The following LIG1 variants were observed in gnomAD, a reference collection of about 807,000 sequenced individuals.
LIG1 encodes the protein DNA ligase 1, also known as ligase I, DNA, ATP-dependent.
A neutral mutation model predicts 115.7 loss-of-function variants in LIG1; 70 were observed. That is an observed-to-expected ratio of 0.60 (90% CI 0.50 to 0.74). LIG1 has a LOEUF of 0.74. Among genes scored for constraint, LIG1 ranks in the 30% least tolerant of loss-of-function variants. The probability of loss-of-function intolerance (pLI) is 0.00; values close to 1 mark genes in which losing one functional copy is unlikely to be tolerated. For synonymous variants in LIG1, 487 were observed against 495.3 expected (o/e 0.98, Z 0.22); for missense variants, 1,115 against 1,225.6 (o/e 0.91, Z 1.35).
In LIG1 at chr19:48,149,264, T is replaced by C. The variant is rs3730916; in HGVS notation, c.776+499A>G. ...GTGAGCTGAGACAGCACCACTGCAC[T>C]GCAGGCTAGGCGACAGAGCAAGACT... is the stretch of plus-strand genomic sequence containing the variant. On this transcript the variant is annotated intron_variant, in intron 9 of 27. Coordinates refer to ENST00000263274, the MANE Select transcript of LIG1 (RefSeq NM_000234.3). 1.6e-4 allele frequency among the ~76,000 whole-genome samples: 24 copies of C among 152,288 alleles called. 1 individual carries two copies. In the South Asian group the frequency reaches 2.9e-3, roughly 18 times the overall value.
chr19:48,166,051 TCAAA>T (rs2036463930), intron 1 of LIG1, among the ~76,000 whole-genome samples: 1 of 152,222 alleles, frequency 6.6e-6, no homozygotes. Context: ...TGCTGTTATT[TCAAA>T]CAAAGGGCAG....
chr19:48,133,179 G>A (rs985743433), intron 17 of LIG1, 82 bp from the exon 18 acceptor site: 207 of 905,400 alleles, frequency 2.3e-4, no homozygotes, highest in Admixed American at 1.4e-4. Context: ...CTGCTAATGG[G>A]CCCCAGGACC....
chr19:48,131,446 A>T (rs1305968417), intron 18 of LIG1, among the ~76,000 whole-genome samples: 1 of 152,044 alleles, frequency 6.6e-6, no homozygotes, highest in Non-Finnish European at 1.5e-5. Context: ...GATTTGTTTA[A>T]ATGTCATTAT....
At chr19:48,120,509 T>C (rs2033187211) in intron 24 of LIG1, 1 of 985,140 alleles carries the variant, frequency 1.0e-6, no homozygotes, top group Non-Finnish European at 1.2e-6. Flanking sequence ...GAGAGGGGAA[T>C]ATAGGAAATA....
chr19:48,165,451 G>C (rs954771390), intron 2 of LIG1, 99 bp downstream of exon 2: 2 of 988,442 alleles, frequency 2.0e-6, no homozygotes, highest in Non-Finnish European at 3.3e-6. Context: ...TCTAACGTAA[G>C]AGTTTTTGTT....
rs1267989854 is a variant in LIG1 at position 48,137,013 on chromosome 19, G to A, written c.1326C>T (p.Ile442=). The A allele has an allele frequency of 3.7e-6, 6 of 1,611,848 alleles. No homozygotes were observed. The highest frequency in any genetic ancestry group is 1.7e-6 in the Non-Finnish European group (2 of 1,179,082). ...TCACAGGCCCACACGCTTACCTAGCGATGAACCGGGCTTCTGAGTGGCGGC... is the reference window on the plus strand; with the variant it reads ...TCACAGGCCCACACGCTTACCTAGCAATGAACCGGGCTTCTGAGTGGCGGC... ...VACRHSEARF[I]ARSLSGRLRL... is the part of the protein sequence containing the mutation. Residue 442 remains isoleucine, a synonymous_variant, in exon 14 of 28, where the codon ATC becomes ATT. Transcript: ENST00000263274. This position sits in a 1 kb window ranked among gnomAD's most constrained non-coding sequence, Gnocchi z 4.3.
Position 48,162,923 on chromosome 19 carries a change from C to CTT in LIG1, c.18-574_18-573dup, listed in dbSNP as rs11444392. The stretch of plus-strand genomic sequence containing the variant: ...AATATTAACTATGCACTTTTTAAAT[C>CTT]TTTTTTTTTTAGACAGACTCTCGCT... On this transcript the variant is annotated intron_variant, in intron 2 of 27. Transcript: ENST00000263274. Among the ~76,000 whole-genome samples, 37 of 149,120 alleles carry CTT rather than the reference C, an allele frequency of 2.5e-4. No individual in the cohort carries two copies. In the East Asian group the frequency reaches 3.6e-3, roughly 14 times the overall value.
chr19:48,155,104 G>A (rs1424847233), intron 5 of LIG1, among the ~76,000 whole-genome samples: 1 of 152,072 alleles, frequency 6.6e-6, no homozygotes, highest in African/African-American at 2.4e-5. Flanking sequence ...GCCAACCTCA[G>A]CGTCCACCTG....
intron 16 of LIG1, among the ~76,000 whole-genome samples, 167 bp downstream of exon 16, chr19:48,135,513 A>G (rs569279251): frequency 6.6e-6 from 1 of 152,144 alleles, no homozygotes; most frequent in African/African-American, 2.4e-5. Flanking sequence ...TGTGTCAAGC[A>G]CCAGCCTTGT....
rs752231884 is a variant in LIG1 at position 48,134,048 on chromosome 19, G to A, written c.1542C>T (p.Asp514=). 1.1e-5 allele frequency: 17 copies of A among 1,556,688 alleles called. No individual in the cohort carries two copies. In the African/African-American group the frequency reaches 2.2e-4, roughly 20 times the overall value. Residue 514 remains aspartate, a synonymous_variant, in exon 17 of 28, where the codon GAC becomes GAT. Transcript: ENST00000263274. ...GCTCCAGCAGCACGGGGATAATTCG[G>A]TCCAGGTCGGGAACCTCGCTGGGGT... is the stretch of plus-strand genomic sequence containing the variant. The part of the protein sequence containing the change: ...KQTFCEVPDL[D]RIIPVLLEHG...
chr19:48,160,321 C>T (rs917491307), intron 4 of LIG1, among the ~76,000 whole-genome samples: 1 of 152,066 alleles, frequency 6.6e-6, no homozygotes, highest in South Asian at 2.1e-4. Context: ...CTGAGCCAGG[C>T]GTGTATCTGG....
At chr19:48,127,483 C>G (rs1401989168) in intron 20 of LIG1, 135 bp from the exon 21 acceptor site, 1 of 787,920 alleles carries the variant, frequency 1.3e-6, no homozygotes, top group Non-Finnish European at 2.2e-6. Context: ...GGCGGCCATG[C>G]TGCTGGCTCC....
At chr19:48,166,061 G>A (rs945949330) in intron 1 of LIG1, among the ~76,000 whole-genome samples, 4 of 152,150 alleles carry the variant, frequency 2.6e-5, no homozygotes. Context: ...TCAAACAAAG[G>A]GCAGAATATC....
chr19:48,156,974 A>G, intron 5 of LIG1, 40 bp downstream of exon 5: 2 of 1,447,200 alleles, frequency 1.4e-6, no homozygotes, highest in Non-Finnish European at 1.8e-6. Context: ...AGAAAAAGAA[A>G]GGCAGGCGAC....
rs373630425 is a variant in LIG1, at chr19:48,170,342, T to A, written c.-159A>T. The A allele has an allele frequency of 1.1e-4, 48 of 437,040 alleles. No homozygotes were observed. The East Asian group carries it at 3.3e-3, about 30-fold the overall frequency. The allele number at this position is 437,040 out of a possible 1,614,324, so 27.1% of individuals were successfully genotyped here. ...GCGCCACGGCATTCGCGCGCAGACG[T>A]CTGCGGGCGGGGGCGGGGCAGAGCC... On this transcript the variant is annotated 5_prime_UTR_variant, in exon 1 of 28. Transcript: ENST00000263274.
In LIG1 at chr19:48,142,448, A is replaced by AAAAAAAAAAAAAAAAAAAAC. The variant is rs1306126726; in HGVS notation, c.914+1094_914+1095insGTTTTTTTTTTTTTTTTTTT. Among the ~76,000 whole-genome samples, 45 of 150,188 alleles carry AAAAAAAAAAAAAAAAAAAAC rather than the reference A, an allele frequency of 3.0e-4. 3 individuals carry two copies. The highest frequency in any genetic ancestry group is 5.6e-4 in the Non-Finnish European group (38 of 67,436). On this transcript the variant is annotated intron_variant, in intron 11 of 27. Transcript: ENST00000263274. ...ACAGAGCAAGACTCCATCTCAAAAA[A>AAAAAAAAAAAAAAAAAAAAC]AAAAAAAAACAGAGTGCTGGGAACA...
chr19:48,121,659 G>A (rs1478540794), intron 23 of LIG1, among the ~76,000 whole-genome samples: 1 of 152,142 alleles, frequency 6.6e-6, no homozygotes, highest in Non-Finnish European at 1.5e-5. Flanking sequence ...AAATTAGCCG[G>A]GCGTGGTGGC....
intron 2 of LIG1, among the ~76,000 whole-genome samples, chr19:48,164,904 G>A (rs1226264857): frequency 6.6e-6 from 1 of 152,202 alleles, no homozygotes; most frequent in Non-Finnish European, 1.5e-5. Flanking sequence ...CAGCATGCCT[G>A]GCTTTTAGCC....
chr19:48,125,360 TCTGA>T (rs1185139010), intron 21 of LIG1, among the ~76,000 whole-genome samples: 3 of 152,204 alleles, frequency 2.0e-5, no homozygotes, highest in East Asian at 1.9e-4. Context: ...AAAATCAGAC[TCTGA>T]CTGTCTTCCT....
Sources: allele counts gnomAD v4.1 joint callset (sites outside exome capture counted in the v4.1 genomes callset), GRCh38; gene constraint gnomAD v4.1.1; non-coding constraint Gnocchi (gnomAD v3.1); transcripts MANE v1.5; gene names NCBI Gene and HGNC (gene_info 2026-07-23, HGNC 2026-07-21).